The following ZNF518A variants were observed in gnomAD, a reference collection of about 807,000 sequenced individuals.
ZNF518A encodes the protein zinc finger protein 518A, also known as zinc finger protein 518.
ZNF518A carries 47 observed loss-of-function variants against 102.7 expected under a neutral mutation model. The ratio of observed to expected loss-of-function variants is 0.46; its 90% CI spans 0.36 to 0.58. The LOEUF (loss-of-function observed/expected upper bound fraction) is 0.58. Ranked by LOEUF, ZNF518A falls within the 20% of genes least tolerant of loss-of-function variation. The pLI is 0.00. For synonymous variants in ZNF518A, 652 were observed against 594.6 expected (o/e 1.10, Z -1.40); for missense variants, 1,793 against 1,699.8 (o/e 1.05, Z -0.96).
rs377201115 is a variant in ZNF518A at position 96,159,536 on chromosome 10, C to G, written c.3214C>G (p.Gln1072Glu). 9.3e-6 allele frequency: 15 copies of G among 1,613,750 alleles called. No homozygotes were observed. The African/African-American group carries it at 1.1e-4, about 11-fold the overall frequency. Residue 1072 changes from glutamine to glutamate, a missense_variant, in exon 6 of 6, where the codon CAG (glutamine) becomes GAG (glutamate). By Grantham distance (29) the Gln-to-Glu change is conservative (BLOSUM62 2). Coordinates refer to ENST00000316045, the MANE Select transcript of ZNF518A (RefSeq NM_001330736.2). ...VLIPNMLSEQ[Q>E]STKLNISDSV... ...TATTCCTAACATGCTATCTGAGCAACAGAGCACTAAGTTGAATATCTCCGA... is the reference window on the plus strand; with the variant it reads ...TATTCCTAACATGCTATCTGAGCAAGAGAGCACTAAGTTGAATATCTCCGA...
Position 96,156,505 on chromosome 10 carries a change from C to A in ZNF518A, c.183C>A (p.Val61=). The A allele has an allele frequency of 6.2e-7, 1 of 1,610,498 alleles. No homozygotes were observed. The highest frequency in any genetic ancestry group is 1.1e-5 in the South Asian group (1 of 89,698). The stretch of plus-strand genomic sequence containing the variant: ...CAAAAATAAATATTCCAAATGAAGT[C>A]CTATTGAAACATGAAGTTGACAAAT... ...DLPKINIPNE[V]LLKHEVDKYR... Residue 61 remains valine (V), a synonymous_variant, in exon 6 of 6, where the codon GTC becomes GTA. Transcript: ENST00000316045.
chr10:96,176,766 G>C (rs587650516), intron 1 of ZNF518A, among the ~76,000 whole-genome samples: 3 of 124,318 alleles, frequency 2.4e-5, no homozygotes, highest in South Asian at 5.9e-4. Context: ...CGTGGTGGCA[G>C]ACACCTGTCA....
At chr10:96,193,772 T>C (rs1554894035) in intron 1 of ZNF518A, among the ~76,000 whole-genome samples, 1 of 152,188 alleles carries the variant, frequency 6.6e-6, no homozygotes. Flanking sequence ...CCAAAATAGC[T>C]GCATAAACAG....
intron 3 of ZNF518A, among the ~76,000 whole-genome samples, chr10:96,147,247 A>G (rs916172979): frequency 2.6e-5 from 4 of 152,222 alleles, no homozygotes; most frequent in African/African-American, 9.6e-5. Flanking sequence ...ATGGTTGAAA[A>G]GACGGTACAG....
At chr10:96,197,016 T>C in intron 1 of ZNF518A, 1 of 1,613,256 alleles carries the variant, frequency 6.2e-7, no homozygotes, top group South Asian at 1.1e-5. Flanking sequence ...GTGTATATGG[T>C]TGTTTGGAAT....
rs1554887294 is a variant in ZNF518A, at chr10:96,160,480, T to C, written c.4158T>C (p.Ala1386=). 2 of 1,613,266 alleles carry C rather than the reference T, an allele frequency of 1.2e-6. No individual in the cohort carries two copies. The highest frequency in any genetic ancestry group is 8.5e-7 in the Non-Finnish European group (1 of 1,179,568). The change falls in exon 6 of 6, where the codon GCT becomes GCC. Residue 1386 remains alanine (A), a synonymous_variant. Transcript: ENST00000316045. ...CATTGTCAAAAAGAACTATAAATGC[T>C]TTACTGAAACCAGTTTGTTATAACC... The part of the protein sequence containing the change: ...KVSLSKRTIN[A]LLKPVCYNPP...
chr10:96,171,817 A>G (rs1374431487), intron 1 of ZNF518A, among the ~76,000 whole-genome samples: 3 of 152,116 alleles, frequency 2.0e-5, no homozygotes, highest in Non-Finnish European at 2.9e-5. Flanking sequence ...GAAGCTCAAC[A>G]TACTCCAAGT....
At chr10:96,166,139 GGA>G (rs1264153416), downstream of ZNF518A, among the ~76,000 whole-genome samples, 1 of 152,158 alleles carries the variant, frequency 6.6e-6, no homozygotes, top group Non-Finnish European at 1.5e-5. Flanking sequence ...GGAAGTTAGT[GGA>G]GAGAGAATTA....
Position 96,139,614 on chromosome 10 carries a change from G to A in ZNF518A, c.-302+5966G>A, listed in dbSNP as rs368371536. Among the ~76,000 whole-genome samples the A allele has an allele frequency of 1.1e-4, 16 of 152,342 alleles. No homozygotes were observed. The East Asian group carries it at 3.1e-3, about 29-fold the overall frequency. On this transcript the variant is annotated intron_variant, in intron 3 of 5. Coordinates refer to ENST00000316045, the MANE Select transcript of ZNF518A (RefSeq NM_001330736.2). ...ACTCTGTTACAGCAGCCAGAACAGA[G>A]TAGGACACTTGGGAAACCACCAAGG...
In ZNF518A at chr10:96,159,846, C is replaced by T; in HGVS notation, c.3524C>T (p.Pro1175Leu). 6.2e-7 allele frequency: 1 copy of T among 1,613,506 alleles called. No individual in the cohort carries two copies. Among genetic ancestry groups the T allele is most frequent in the Non-Finnish European group, 8.5e-7 (1 of 1,179,740 alleles). Residue 1175 changes from proline (P) to leucine (L), a missense_variant, in exon 6 of 6, where the codon CCA becomes CTA. Around this residue, in one of 3 missense-constraint regions of ZNF518A, gnomAD observed 1,741 missense variants for 1,622.6 expected, o/e 1.07. Coordinates refer to ENST00000316045, the MANE Select transcript of ZNF518A (RefSeq NM_001330736.2). ...SASSLQKDNV[P>L]SNQIIGGEQK... ...TCCTCATTGCAAAAAGACAACGTAC[C>T]ATCTAATCAGATTATAGGAGGAGAG...
At chr10:96,165,240 T>G (rs587686744), downstream of ZNF518A, among the ~76,000 whole-genome samples, 1 of 152,244 alleles carries the variant, frequency 6.6e-6, no homozygotes, top group East Asian at 1.9e-4. Flanking sequence ...GCTCCTGTAG[T>G]GGGATTACAG....
chr10:96,191,534 T>C (rs1554893443), intron 1 of ZNF518A, among the ~76,000 whole-genome samples: 1 of 152,106 alleles, frequency 6.6e-6, no homozygotes, highest in African/African-American at 2.4e-5. Flanking sequence ...TTTAATACCT[T>C]ATTTTCTACA....
At chr10:96,196,692 C>T (rs1554894730) in intron 1 of ZNF518A, among the ~76,000 whole-genome samples, 1 of 152,188 alleles carries the variant, frequency 6.6e-6, no homozygotes, top group African/African-American at 2.4e-5. Flanking sequence ...AATGAAAGGA[C>T]TAGCATGTAC....
chr10:96,141,060 A>C (rs1429307829), intron 3 of ZNF518A, among the ~76,000 whole-genome samples: 2 of 152,214 alleles, frequency 1.3e-5, no homozygotes, highest in Non-Finnish European at 2.9e-5. Flanking sequence ...AAAGTGATTT[A>C]ATCTAAAATC....
chr10:96,150,456 A>G (rs1591186982), intron 3 of ZNF518A, among the ~76,000 whole-genome samples: 1 of 151,452 alleles, frequency 6.6e-6, no homozygotes, highest in East Asian at 1.9e-4. Context: ...TTAAGCTAGA[A>G]ATTTTTACAA....
In ZNF518A at chr10:96,189,305, T is replaced by C. The variant is rs587732424; in HGVS notation, n.36-14269T>C. ...ATAGAAAGGACAGCCAGATATTGACTGTTAGAGAAATGAAATAAGATGGAA... is the reference window on the plus strand; with the variant it reads ...ATAGAAAGGACAGCCAGATATTGACCGTTAGAGAAATGAAATAAGATGGAA... On this transcript the variant is annotated intron_variant and non_coding_transcript_variant, in intron 1 of 2. Transcript: ENST00000442635. 1.3e-5 allele frequency: 6 copies of C among 475,318 alleles called. No individual in the cohort carries two copies. The Admixed American group carries it at 1.3e-4, about 10-fold the overall frequency. 29.4% of individuals were successfully genotyped at this position (475,318 alleles called of 1,614,324 possible).
intron 1 of ZNF518A, among the ~76,000 whole-genome samples, chr10:96,198,523 G>A (rs1554895243): frequency 6.6e-6 from 1 of 152,182 alleles, no homozygotes; most frequent in African/African-American, 2.4e-5. Context: ...CCAGACTAAA[G>A]TATCAAATTA....
rs1591298659 is a variant in ZNF518A, at chr10:96,200,900, C to T, written n.36-2674C>T. On this transcript the variant is annotated intron_variant and non_coding_transcript_variant, in intron 1 of 2. Coordinates refer to the ZNF518A transcript ENST00000442635. The surrounding 1 kb of genome is among the most constrained non-coding windows in gnomAD (Gnocchi z 4.3). ...CAGTCTCTGTTCTCAAGGTTCACTC[C>T]AAATGTCTTCTTCTCAGAAGACATG... is the stretch of plus-strand genomic sequence containing the variant. 2.4e-6 allele frequency: 3 copies of T among 1,274,344 alleles called. 1 individual carries two copies. In the East Asian group the frequency reaches 6.9e-5, roughly 29 times the overall value. 78.9% of individuals were successfully genotyped at this position (1,274,344 alleles called of 1,614,324 possible). A position where few individuals can be genotyped will look rare whatever the true frequency, so the allele number is the denominator to read the frequency against.
At chr10:96,144,637 AC>A (rs1564751228) in intron 3 of ZNF518A, among the ~76,000 whole-genome samples, 1 of 152,214 alleles carries the variant, frequency 6.6e-6, no homozygotes, top group African/African-American at 2.4e-5. Flanking sequence ...CTGAAGTGTT[AC>A]TAGGTCCATA....
Sources: gnomAD v4.1 joint callset for allele counts (sites outside exome capture counted in the v4.1 genomes callset) on GRCh38, gnomAD v4.1.1 for gene constraint, gnomAD v4.1.1 regional missense constraint, Gnocchi (gnomAD v3.1) non-coding constraint, MANE v1.5 for transcripts, NCBI Gene and HGNC (gene_info 2026-07-23, HGNC 2026-07-21) for gene names.